C1orf105: variants seen among roughly 807,000 people sequenced by gnomAD.
C1orf105 encodes the protein uncharacterized protein C1orf105.
C1orf105 carries 17 observed loss-of-function variants against 20.8 expected under a neutral mutation model. The observed-to-expected ratio is 0.82, with a 90% CI of 0.56 to 1.23. The LOEUF (loss-of-function observed/expected upper bound fraction) is 1.23. Among genes scored for constraint, C1orf105 ranks in the 50% most tolerant of loss-of-function variants. C1orf105 has a pLI of 0.00. For synonymous variants in C1orf105, 72 were observed against 72.1 expected, an observed-to-expected ratio of 1.00 and a Z score of 0.01; for missense variants, 219 against 213.5, an observed-to-expected ratio of 1.03 and a Z score of -0.16.
chr1:172,467,748 T>G (rs983958015), intron 6 of C1orf105, among the ~76,000 whole-genome samples: 7 of 152,190 alleles, frequency 4.6e-5, no homozygotes, highest in African/African-American at 1.7e-4. Flanking sequence ...TTCCAGAGAA[T>G]TCAGAGTTCC....
intron 3 of C1orf105, among the ~76,000 whole-genome samples, chr1:172,449,293 T>C (rs187994898): frequency 2.2e-3 from 330 of 152,078 alleles, no homozygotes; most frequent in Admixed American, 3.7e-3. Context: ...CACAGATGAG[T>C]GAGCAGACAG....
In C1orf105 at chr1:172,464,568, G is replaced by A. The variant is rs1573896372; in HGVS notation, c.342-731G>A. ...AGGATGTGGTCAGGGCATTTTCTGTGAAATGGGAAGGTTCTAACCAAAATG... is the reference window on the plus strand; with the variant it reads ...AGGATGTGGTCAGGGCATTTTCTGTAAAATGGGAAGGTTCTAACCAAAATG... On this transcript the variant is annotated intron_variant, in intron 5 of 6. Transcript: ENST00000367727. Among the ~76,000 whole-genome samples the A allele has an allele frequency of 2.0e-5, 3 of 152,114 alleles. No homozygotes were observed. In the South Asian group the frequency reaches 6.2e-4, roughly 32 times the overall value.
chr1:172,467,517 C>CT (rs1650149661), intron 6 of C1orf105, among the ~76,000 whole-genome samples: 2 of 152,170 alleles, frequency 1.3e-5, no homozygotes, highest in Admixed American at 1.3e-4. Context: ...TGCTAACCAC[C>CT]TCATAGGGGC....
chr1:172,444,302 C>A (rs963960800), intron 1 of C1orf105: 2 of 985,396 alleles, frequency 2.0e-6, no homozygotes, highest in Non-Finnish European at 1.2e-6. Context: ...CAAGAGAGGA[C>A]AAGGAAAGAG....
At chr1:172,448,361 A>G in intron 2 of C1orf105, 80 bp from the exon 3 acceptor site, 2 of 935,540 alleles carry the variant, frequency 2.1e-6, no homozygotes, top group South Asian at 3.0e-5. Flanking sequence ...TGTCCCTTGT[A>G]TTCTCTCAGA....
intron 1 of C1orf105, chr1:172,441,717 G>A: frequency 6.5e-7 from 1 of 1,527,128 alleles, no homozygotes; most frequent in Middle Eastern, 2.0e-4. Context: ...ATAATGTAAT[G>A]GATGTCCTAA....
chr1:172,454,166 A>G (rs1275099898), intron 3 of C1orf105, among the ~76,000 whole-genome samples: 1 of 152,146 alleles, frequency 6.6e-6, no homozygotes, highest in Non-Finnish European at 1.5e-5. Context: ...ATCTCTACTA[A>G]AAACAAACCT....
At position 172,442,616 on chromosome 1, in the gene C1orf105, C is replaced by G. The variant is rs761695446; in HGVS notation, c.22-2457C>G. 43 of 1,609,126 alleles carry G rather than the reference C, an allele frequency of 2.7e-5. No individual in the cohort carries two copies. In the South Asian group the frequency reaches 4.6e-4, roughly 17 times the overall value. On this transcript the variant is annotated intron_variant, in intron 1 of 6. Transcript: ENST00000367727. ...TCCTTGGTGTTAGTCACAGGTTGAG[C>G]ATACATTATCCTTTCATTCAAACTC...
intron 1 of C1orf105, chr1:172,444,067 T>C: frequency 2.0e-6 from 2 of 998,946 alleles, no homozygotes; most frequent in Non-Finnish European, 2.4e-6. Context: ...GGGCTGCGAC[T>C]GTGGCCAAGC....
intron 3 of C1orf105, among the ~76,000 whole-genome samples, chr1:172,453,544 A>G (rs967177218): frequency 6.6e-6 from 1 of 152,204 alleles, no homozygotes; most frequent in African/African-American, 2.4e-5. Flanking sequence ...GATTGTGTCT[A>G]TATTTAGACC....
intron 1 of C1orf105, among the ~76,000 whole-genome samples, chr1:172,422,796 A>G (rs1010887228): frequency 6.6e-6 from 1 of 151,914 alleles, no homozygotes; most frequent in Non-Finnish European, 1.5e-5. Context: ...CATCCAACAC[A>G]TGCTGGCAGA....
At chr1:172,460,242 C>A (rs1649593688) in intron 4 of C1orf105, among the ~76,000 whole-genome samples, 1 of 152,104 alleles carries the variant, frequency 6.6e-6, no homozygotes, top group African/African-American at 2.4e-5. Context: ...AATAAAAGCA[C>A]AAAATAGATG....
intron 4 of C1orf105, among the ~76,000 whole-genome samples, chr1:172,459,013 C>G (rs1274441904): frequency 6.6e-6 from 1 of 152,038 alleles, no homozygotes; most frequent in Non-Finnish European, 1.5e-5. Context: ...GAATTTGTAC[C>G]TCTTCCTCAC....
In C1orf105 at chr1:172,420,770, C is replaced by A; in HGVS notation, c.-116C>A. The stretch of plus-strand genomic sequence containing the variant: ...CTGGCCTGTTTACTTCGTCTCCTAA[C>A]AAAAAACACTTTGGATTCAGGTTCT... On this transcript the variant is annotated 5_prime_UTR_variant, in exon 1 of 7. Transcript: ENST00000367727. 9.4e-7 allele frequency: 1 copy of A among 1,068,780 alleles called. No individual in the cohort carries two copies. The highest frequency in any genetic ancestry group is 1.4e-6 in the Non-Finnish European group (1 of 716,258). 66.2% of individuals were successfully genotyped at this position (1,068,780 alleles called of 1,614,324 possible). A position where few individuals can be genotyped will look rare whatever the true frequency, so the allele number is the denominator to read the frequency against.
chr1:172,453,244 A>C, intron 3 of C1orf105: 1 of 1,529,304 alleles, frequency 6.5e-7, no homozygotes, highest in Admixed American at 2.0e-5. Context: ...TAAAGTGTAA[A>C]GGGACAGGAT....
intron 1 of C1orf105, among the ~76,000 whole-genome samples, chr1:172,424,390 C>CT: frequency 6.6e-6 from 1 of 152,256 alleles, no homozygotes; most frequent in Non-Finnish European, 1.5e-5. Context: ...ATTCCCTTCT[C>CT]TTTTTTATTT....
chr1:172,440,676 G>A (rs2072191585), intron 1 of C1orf105, among the ~76,000 whole-genome samples: 2 of 152,048 alleles, frequency 1.3e-5, no homozygotes, highest in South Asian at 4.2e-4. Context: ...ACCCTGAATG[G>A]CCATCAAATA....
intron 1 of C1orf105, among the ~76,000 whole-genome samples, chr1:172,437,131 C>G (rs1051575656): frequency 5.3e-5 from 8 of 152,164 alleles, no homozygotes; most frequent in African/African-American, 1.9e-4. Flanking sequence ...TTTTACACTG[C>G]TGGTGGGAGT....
intron 1 of C1orf105, among the ~76,000 whole-genome samples, chr1:172,436,980 T>G (rs977558176): frequency 1.7e-4 from 26 of 152,088 alleles, no homozygotes; most frequent in African/African-American, 5.6e-4. Context: ...AACAGACACA[T>G]GAAAAAATGC....
Sources: allele counts gnomAD v4.1 joint callset (sites outside exome capture counted in the v4.1 genomes callset), GRCh38; gene constraint gnomAD v4.1.1; transcripts MANE v1.5; gene names NCBI Gene and HGNC (gene_info 2026-07-23, HGNC 2026-07-21).